The following PDE4B variants were observed in gnomAD, a reference collection of about 807,000 sequenced individuals.
PDE4B encodes 3',5'-cyclic-AMP phosphodiesterase 4B.
PDE4B carries 20 observed loss-of-function variants against 82.2 expected under a neutral mutation model. That is an observed-to-expected ratio of 0.24 (90% confidence interval 0.17 to 0.35). PDE4B has a LOEUF of 0.35. Ranked by LOEUF, PDE4B falls within the 10% of genes least tolerant of loss-of-function variation. The probability of loss-of-function intolerance (pLI) is 1.00; values close to 1 mark genes in which losing one functional copy is unlikely to be tolerated. For synonymous variants in PDE4B, 320 were observed against 318.9 expected (o/e 1.00, Z -0.04); for missense variants, 655 against 907.2 (o/e 0.72, Z 3.57).
At chr1:66,196,703 G>A (rs958840702) in intron 3 of PDE4B, among the ~76,000 whole-genome samples, 9 of 150,054 alleles carry the variant, frequency 6.0e-5, no homozygotes, top group Non-Finnish European at 1.2e-4. Context: ...GTAAACTATC[G>A]CAAGAACAAA....
intron 3 of PDE4B, among the ~76,000 whole-genome samples, chr1:66,175,315 C>A (rs1646912602): frequency 1.3e-5 from 2 of 152,168 alleles, no homozygotes; most frequent in Admixed American, 6.5e-5. Flanking sequence ...TGCAAGAGCT[C>A]ATTTTGACAA....
chr1:65,995,157 T>C (rs772477915), intron 3 of PDE4B, among the ~76,000 whole-genome samples: 12 of 152,264 alleles, frequency 7.9e-5, no homozygotes, highest in Non-Finnish European at 1.5e-4. Context: ...ATAACTTTAG[T>C]TTTGACTATG....
chr1:65,944,923 A>G (rs1386258965), intron 3 of PDE4B, among the ~76,000 whole-genome samples: 1 of 151,980 alleles, frequency 6.6e-6, no homozygotes, highest in East Asian at 1.9e-4. Flanking sequence ...GGCTCCTTAT[A>G]CCAGTAGATG....
At position 66,008,492 on chromosome 1, in the gene PDE4B, G is replaced by A. The variant is rs1388588465; in HGVS notation, c.281+89657G>A. Among the ~76,000 whole-genome samples the A allele has an allele frequency of 2.6e-5, 4 of 152,024 alleles. No individual in the cohort carries two copies. The East Asian group carries it at 5.8e-4, about 22-fold the overall frequency. ...GGGCTTTGCTCTTGCACTTGTCCCC[G>A]CTGTCTCCTGTATCATCAGTTTTCC... On this transcript the variant is annotated intron_variant, in intron 3 of 16. Transcript: ENST00000341517.
intron 3 of PDE4B, among the ~76,000 whole-genome samples, chr1:65,924,312 G>T (rs1397197712): frequency 6.7e-6 from 1 of 150,200 alleles, no homozygotes; most frequent in Non-Finnish European, 1.5e-5. Flanking sequence ...CTGACCTCGT[G>T]ATCCGCCCGC....
intron 1 of PDE4B, among the ~76,000 whole-genome samples, chr1:65,798,829 A>T (rs1433548015): frequency 6.6e-6 from 1 of 152,246 alleles, no homozygotes; most frequent in Non-Finnish European, 1.5e-5. Flanking sequence ...GTAATTACAG[A>T]ATTAAATGTC....
chr1:66,091,485 A>C (rs947792748), intron 3 of PDE4B, among the ~76,000 whole-genome samples: 1 of 152,110 alleles, frequency 6.6e-6, no homozygotes, highest in African/African-American at 2.4e-5. Flanking sequence ...TAGCAATTGC[A>C]AAGTAAAATC....
chr1:66,125,108 T>A (rs1401821386), intron 3 of PDE4B, among the ~76,000 whole-genome samples: 1 of 151,738 alleles, frequency 6.6e-6, no homozygotes, highest in African/African-American at 2.4e-5. Flanking sequence ...ATTTCTTTCC[T>A]ATATCTCTAA....
At chr1:66,255,846 A>T (rs1450151886) in intron 4 of PDE4B, among the ~76,000 whole-genome samples, 1 of 152,154 alleles carries the variant, frequency 6.6e-6, no homozygotes, top group East Asian at 1.9e-4. Context: ...ATGATTTGAT[A>T]TGTCAACTAT....
At chr1:65,988,083 A>G (rs1302040817) in intron 3 of PDE4B, among the ~76,000 whole-genome samples, 1 of 152,224 alleles carries the variant, frequency 6.6e-6, no homozygotes, top group Non-Finnish European at 1.5e-5. Context: ...TATATTTCAA[A>G]CAGGGAATTT....
intron 3 of PDE4B, among the ~76,000 whole-genome samples, chr1:66,071,530 G>A (rs977626836): frequency 1.3e-5 from 2 of 152,056 alleles, no homozygotes; most frequent in African/African-American, 4.8e-5. Context: ...TGAAATGTAA[G>A]GAGCTTACAT....
chr1:66,218,463 G>C (rs2101597258), intron 3 of PDE4B, among the ~76,000 whole-genome samples: 1 of 152,174 alleles, frequency 6.6e-6, no homozygotes, highest in African/African-American at 2.4e-5. Flanking sequence ...CCATGCTTTG[G>C]GCTCAGTGAT....
chr1:65,974,376 C>T (rs896132023), intron 3 of PDE4B, among the ~76,000 whole-genome samples: 1 of 152,110 alleles, frequency 6.6e-6, no homozygotes, highest in Non-Finnish European at 1.5e-5. Flanking sequence ...ATTGCTAAAG[C>T]TGCATTTTTA....
At chr1:66,113,002 C>G (rs539289858) in intron 3 of PDE4B, among the ~76,000 whole-genome samples, 32 of 152,320 alleles carry the variant, frequency 2.1e-4, no homozygotes, top group Non-Finnish European at 4.6e-4. Context: ...GACCAAGTTT[C>G]TTTTTGGTTC....
chr1:66,344,414 A>G (rs545117779), intron 8 of PDE4B, among the ~76,000 whole-genome samples: 31 of 152,360 alleles, frequency 2.0e-4, no homozygotes, highest in Non-Finnish European at 3.8e-4. Flanking sequence ...TTAATTTCAG[A>G]GAATTTGCTT....
At chr1:66,188,465 A>T (rs2101457232) in intron 3 of PDE4B, among the ~76,000 whole-genome samples, 1 of 152,064 alleles carries the variant, frequency 6.6e-6, no homozygotes, top group Admixed American at 6.6e-5. Context: ...ATTGTGTGGG[A>T]GTCTAAGTCT....
In PDE4B at chr1:66,114,632, ATTT is replaced by A. The variant is rs139293880; in HGVS notation, c.282-132809_282-132807del. Among the ~76,000 whole-genome samples, 41 of 132,350 alleles carry A rather than the reference ATTT, an allele frequency of 3.1e-4. 1 individual carries two copies. In the East Asian group the frequency reaches 3.3e-3, roughly 11 times the overall value. 86.8% of individuals were successfully genotyped at this position (132,350 alleles called of 152,430 possible). ...ATCTCCTTGCATACAGTAGCCCACAATTTTTTTTTTTTTTTTTTTTTGAGACGG... is the reference window on the plus strand; with the variant it reads ...ATCTCCTTGCATACAGTAGCCCACAATTTTTTTTTTTTTTTTTTGAGACGG... On this transcript the variant is annotated intron_variant, in intron 3 of 16. Coordinates refer to ENST00000341517, the MANE Select transcript of PDE4B (RefSeq NM_002600.4).
At chr1:66,254,234 G>T (rs1034890252) in intron 4 of PDE4B, among the ~76,000 whole-genome samples, 3 of 151,728 alleles carry the variant, frequency 2.0e-5, no homozygotes, top group Non-Finnish European at 4.4e-5. Flanking sequence ...AAAAAAGAAA[G>T]AAAGAAGAAA....
intron 3 of PDE4B, among the ~76,000 whole-genome samples, chr1:66,220,142 G>C (rs575557087): frequency 6.6e-6 from 1 of 152,260 alleles, no homozygotes; most frequent in South Asian, 2.1e-4. Flanking sequence ...CTGGAGGCTT[G>C]GAGGTGATCT....
Sources: allele counts gnomAD v4.1 joint callset (sites outside exome capture counted in the v4.1 genomes callset), GRCh38; gene constraint gnomAD v4.1.1; transcripts MANE v1.5; gene names NCBI Gene and HGNC (gene_info 2026-07-23, HGNC 2026-07-21).